The following ARPC1A variants were observed in gnomAD, a reference collection of about 807,000 sequenced individuals.
The protein encoded by ARPC1A is actin related protein 2/3 complex subunit 1A.
A neutral mutation model predicts 46.9 loss-of-function variants in ARPC1A; 8 were observed. The observed-to-expected ratio is 0.17, with a 90% CI of 0.10 to 0.31. The LOEUF is 0.31. ARPC1A is among the 10% of genes least tolerant of loss of function. ARPC1A has a pLI of 1.00. For missense variants in ARPC1A, 286 were observed against 483.6 expected, an observed-to-expected ratio of 0.59 and a Z score of 3.83; for synonymous variants, 152 against 169.0, an observed-to-expected ratio of 0.90 and a Z score of 0.78.
At chr7:99,363,708 C>A in intron 9 of ARPC1A, 75 bp downstream of exon 9, 1 of 1,083,816 alleles carries the variant, frequency 9.2e-7, no homozygotes, top group Non-Finnish European at 1.3e-6. Flanking sequence ...TAGGCTCCTT[C>A]TCTGTCACCC....
chr7:99,358,510 C>T, intron 7 of ARPC1A, 95 bp downstream of exon 7: 1 of 711,810 alleles, frequency 1.4e-6, no homozygotes, highest in Non-Finnish European at 2.3e-6. Context: ...CAAAGCAGAA[C>T]AGTTTTTTAG....
rs1793360429 is a variant in ARPC1A at position 99,341,742 on chromosome 7, C to G, written c.170-2551C>G. ...AATATTTAGTTATGTGTTTTTTTCCCTCTACTTCTCTTTTGGGGTCCTTTG... is the reference window on the plus strand; with the variant it reads ...AATATTTAGTTATGTGTTTTTTTCCGTCTACTTCTCTTTTGGGGTCCTTTG... On this transcript the variant is annotated intron_variant, in intron 3 of 9. Transcript: ENST00000262942. Among the ~76,000 whole-genome samples the G allele has an allele frequency of 2.0e-5, 3 of 151,728 alleles. 1 individual carries two copies. The highest frequency in any genetic ancestry group is 2.0e-4 in the Admixed American group (3 of 15,212).
intron 2 of ARPC1A, among the ~76,000 whole-genome samples, chr7:99,335,097 G>A (rs1286260480): frequency 6.6e-6 from 1 of 152,026 alleles, no homozygotes; most frequent in Non-Finnish European, 1.5e-5. Context: ...GCCCGCCTTG[G>A]CCTCCCAAAG....
At chr7:99,353,665 G>T (rs767038554) in intron 5 of ARPC1A, among the ~76,000 whole-genome samples, 2 of 151,418 alleles carry the variant, frequency 1.3e-5, no homozygotes, top group Non-Finnish European at 2.9e-5. Context: ...TTTTAGTAGA[G>T]ACGGGGTTTC....
rs1043934935 is a variant in ARPC1A at position 99,356,717 on chromosome 7, C to T, written c.714-1623C>T. 3.5e-4 allele frequency among the ~76,000 whole-genome samples: 53 copies of T among 151,412 alleles called. 1 individual carries two copies. Among genetic ancestry groups the T allele is most frequent in the African/African-American group, 7.3e-5 (3 of 41,196 alleles). ...GAGATCGAGACCATCCTGGCTAACA[C>T]GGTGAAACCCTGTCTCTACAAAAAA... On this transcript the variant is annotated intron_variant, in intron 6 of 9. Transcript: ENST00000262942.
intron 1 of ARPC1A, among the ~76,000 whole-genome samples, chr7:99,331,479 T>A (rs188073531): frequency 2.0e-5 from 3 of 152,184 alleles, no homozygotes; most frequent in Admixed American, 2.0e-4. Flanking sequence ...ATTATCTTTG[T>A]CTCCTAAGAG....
At chr7:99,342,768 G>A (rs1793375926) in intron 3 of ARPC1A, among the ~76,000 whole-genome samples, 1 of 142,166 alleles carries the variant, frequency 7.0e-6, no homozygotes, top group South Asian at 2.2e-4. Flanking sequence ...TGTCACCCAG[G>A]CTGGAGTGCA....
chr7:99,348,235 T>C (rs76840929), intron 4 of ARPC1A, among the ~76,000 whole-genome samples: 9,520 of 152,222 alleles, frequency 0.063, 358 homozygotes, highest in African/African-American at 0.1. Context: ...CAAACTTCAG[T>C]TTTTATCTCA....
intron 1 of ARPC1A, among the ~76,000 whole-genome samples, chr7:99,326,894 C>A (rs148275861): frequency 4.3e-4 from 65 of 152,302 alleles, no homozygotes; most frequent in African/African-American, 1.4e-3. Context: ...TGTTTCTAGC[C>A]CCATCCCGGT....
chr7:99,359,602 G>A lies in ARPC1A; in HGVS notation c.847G>A (p.Val283Ile), dbSNP rs2286160. 2.0e-4 allele frequency: 326 copies of A among 1,614,034 alleles called. No individual in the cohort carries two copies. In the East Asian group the frequency reaches 3.0e-3, roughly 15 times the overall value. ...NYDDRGCLTF[V>I]SKLDIPKQSI... ...CGATGACCGCGGCTGCCTGACCTTCGTCTCCAAGTTAGATATTCCAAAACA... is the reference window on the plus strand; with the variant it reads ...CGATGACCGCGGCTGCCTGACCTTCATCTCCAAGTTAGATATTCCAAAACA... The change falls in exon 8 of 10, where the codon GTC (valine) becomes ATC (isoleucine). Residue 283 changes from valine to isoleucine, a missense_variant. Transcript: ENST00000262942.
intron 1 of ARPC1A, among the ~76,000 whole-genome samples, chr7:99,328,783 T>C (rs1793095237): frequency 6.6e-6 from 1 of 151,880 alleles, no homozygotes; most frequent in African/African-American, 2.4e-5. Context: ...GACCCCTGTC[T>C]TTACAAAAAA....
intron 2 of ARPC1A, among the ~76,000 whole-genome samples, chr7:99,337,571 CTGTA>C (rs1027949351): frequency 2.0e-5 from 3 of 152,104 alleles, no homozygotes; most frequent in Non-Finnish European, 4.4e-5. Flanking sequence ...GATGCTCAAC[CTGTA>C]TGAGTTTTTA....
intron 1 of ARPC1A, among the ~76,000 whole-genome samples, chr7:99,330,968 G>A (rs988061225): frequency 3.9e-5 from 6 of 152,154 alleles, no homozygotes; most frequent in African/African-American, 1.4e-4. Context: ...TTAATTTAAT[G>A]TTTTGCAGAT....
In ARPC1A at chr7:99,366,125, T is replaced by A. The variant is rs1793837100; in HGVS notation, c.*196T>A. 4.7e-6 allele frequency: 3 copies of A among 640,784 alleles called. No homozygotes were observed. The highest frequency in any genetic ancestry group is 1.8e-5 in the African/African-American group (1 of 54,314). 39.7% of individuals were successfully genotyped at this position (640,784 alleles called of 1,614,324 possible). ...GCAGTAATTTTTTTGTTTGTTTTTT[T>A]GCGATTTCATTCCATTCTTGACCAA... On this transcript the variant is annotated 3_prime_UTR_variant, in exon 10 of 10. Coordinates refer to ENST00000262942, the MANE Select transcript of ARPC1A (RefSeq NM_006409.4).
chr7:99,352,368 A>G (rs946181459), intron 5 of ARPC1A, among the ~76,000 whole-genome samples: 6 of 152,214 alleles, frequency 3.9e-5, no homozygotes, highest in Non-Finnish European at 7.4e-5. Context: ...TATCTAGAGT[A>G]TGGATTAGCT....
chr7:99,357,487 AT>A lies in ARPC1A; in HGVS notation c.714-838del, dbSNP rs79469623. On this transcript the variant is annotated intron_variant, in intron 6 of 9. Transcript: ENST00000262942. Reference sequence around the variant, plus strand: ...AGACGTGCACCACCACTCTAGGCTAATTTTTTTTTTTTTTTAATTTTTCGTA... The same window carrying A: ...AGACGTGCACCACCACTCTAGGCTAATTTTTTTTTTTTTTAATTTTTCGTA... Among the ~76,000 whole-genome samples, 707 of 143,702 alleles carry A rather than the reference AT, an allele frequency of 4.9e-3. 3 individuals carry two copies. The highest frequency in any genetic ancestry group is 8.6e-3 in the South Asian group (39 of 4,540). 94.3% of individuals were successfully genotyped at this position (143,702 alleles called of 152,430 possible). A position where few individuals can be genotyped will look rare whatever the true frequency, so the allele number is the denominator to read the frequency against.
intron 3 of ARPC1A, among the ~76,000 whole-genome samples, chr7:99,343,359 G>A (rs541387055): frequency 5.9e-5 from 9 of 151,974 alleles, no homozygotes; most frequent in Middle Eastern, 3.4e-3. Flanking sequence ...CCAGCTACTC[G>A]GGAGGCTGAG....
intron 1 of ARPC1A, among the ~76,000 whole-genome samples, chr7:99,330,379 A>G (rs1353746234): frequency 6.6e-6 from 1 of 151,572 alleles, no homozygotes; most frequent in African/African-American, 2.4e-5. Context: ...CAGTGGCACC[A>G]TCTTGGCTCA....
chr7:99,342,784 G>GCGATCT (rs1031171673), intron 3 of ARPC1A, among the ~76,000 whole-genome samples: 7 of 142,534 alleles, frequency 4.9e-5, no homozygotes, highest in African/African-American at 1.1e-4. Context: ...GTGCAGTGGT[G>GCGATCT]CGATCTCGGC....
Sources: allele counts gnomAD v4.1 joint callset (sites outside exome capture counted in the v4.1 genomes callset), GRCh38; gene constraint gnomAD v4.1.1; transcripts MANE v1.5; gene names NCBI Gene and HGNC (gene_info 2026-07-23, HGNC 2026-07-21).